PSD3: variants seen among roughly 807,000 people sequenced by gnomAD.
PSD3 encodes the protein pleckstrin and Sec7 domain containing 3, also known as PH and SEC7 domain-containing protein 3.
In PSD3, 49 loss-of-function variants were observed where a neutral mutation model predicts 105.5. The ratio of observed to expected loss-of-function variants is 0.46; its 90% CI spans 0.37 to 0.59. The LOEUF (loss-of-function observed/expected upper bound fraction) is 0.59. Ranked by LOEUF, PSD3 falls within the 20% of genes least tolerant of loss-of-function variation. The pLI, the probability that PSD3 is intolerant of heterozygous loss-of-function variation, is 0.00. For missense variants in PSD3, 1,561 were observed against 1,263.8 expected, an observed-to-expected ratio of 1.24 and a Z score of -3.57; for synonymous variants, 557 against 457.8, an observed-to-expected ratio of 1.22 and a Z score of -2.77.
At chr8:18,924,376 T>C (rs868372099) in intron 2 of PSD3, among the ~76,000 whole-genome samples, 8 of 152,082 alleles carry the variant, frequency 5.3e-5, no homozygotes, top group Middle Eastern at 3.2e-3. Flanking sequence ...CTGCTTTCCA[T>C]AATGGGTGGG....
intron 11 of PSD3, among the ~76,000 whole-genome samples, chr8:18,610,842 T>C (rs962852415): frequency 6.6e-6 from 1 of 152,266 alleles, no homozygotes; most frequent in Non-Finnish European, 1.5e-5. Context: ...GAAAGTATCA[T>C]AAACTGGGAG....
At chr8:18,985,764 G>T (rs1825469647) in intron 1 of PSD3, among the ~76,000 whole-genome samples, 1 of 151,970 alleles carries the variant, frequency 6.6e-6, no homozygotes, top group Non-Finnish European at 1.5e-5. Flanking sequence ...GTTGTAATGA[G>T]ATCTTTTCTT....
At position 18,867,896 on chromosome 8, in the gene PSD3, T is replaced by C. The variant is rs767356181; in HGVS notation, c.1412A>G (p.Tyr471Cys). Residue 471 changes from tyrosine to cysteine, a missense_variant, in exon 4 of 16, where the codon TAT becomes TGT. By Grantham distance (194) the Tyr-to-Cys change is radical (BLOSUM62 -2). Transcript: ENST00000327040. ...AGTGAGGGGCATTTCAAAGCTAAAA[T>C]AGCTATCAGGCTCTGAGTATAATGT... ...LETLYSEPDS[Y>C]FSFEMPLTPM... The C allele has an allele frequency of 1.9e-6, 3 of 1,614,142 alleles. No homozygotes were observed. Among genetic ancestry groups the C allele is most frequent in the Middle Eastern group, 1.7e-4 (1 of 6,060 alleles).
intron 11 of PSD3, among the ~76,000 whole-genome samples, chr8:18,609,435 T>C (rs1306398177): frequency 3.9e-5 from 6 of 152,206 alleles, no homozygotes; most frequent in Non-Finnish European, 8.8e-5. Flanking sequence ...TTTAATGAAC[T>C]TGAAAACAAA....
chr8:19,062,059 C>G (rs1421599241), intron 1 of PSD3, among the ~76,000 whole-genome samples: 3 of 152,178 alleles, frequency 2.0e-5, no homozygotes, highest in African/African-American at 7.2e-5. Context: ...TGAGGCCATT[C>G]TTCACTTTCT....
chr8:18,689,406 C>A (rs377596087), intron 9 of PSD3, among the ~76,000 whole-genome samples: 3 of 152,262 alleles, frequency 2.0e-5, no homozygotes, highest in East Asian at 1.9e-4. Context: ...GAAAATCTCA[C>A]AGAACCATTA....
chr8:18,864,933 T>C (rs1030489584), intron 4 of PSD3: 21 of 150,912 alleles, frequency 1.4e-4, no homozygotes, highest in Admixed American at 6.6e-5. Flanking sequence ...CCTGGTAAAT[T>C]TTCCTTCAAA....
At chr8:18,680,311 C>T (rs1247533465) in intron 9 of PSD3, among the ~76,000 whole-genome samples, 4 of 152,116 alleles carry the variant, frequency 2.6e-5, no homozygotes, top group Non-Finnish European at 5.9e-5. Flanking sequence ...CCCGAATACC[C>T]GGGGCTGATT....
In PSD3 at chr8:18,535,349, A is replaced by T. The variant is rs146886640; in HGVS notation, c.*394T>A. 6.4e-3 allele frequency: 1,210 copies of T among 188,096 alleles called. 10 individuals carry two copies. The highest frequency in any genetic ancestry group is 9.7e-3 in the Non-Finnish European group (862 of 88,456). The allele number at this position is 188,096 out of a possible 1,614,324, so 11.7% of individuals were successfully genotyped here. On this transcript the variant is annotated 3_prime_UTR_variant, in exon 16 of 16. Coordinates refer to ENST00000327040, the MANE Select transcript of PSD3 (RefSeq NM_015310.4). The stretch of plus-strand genomic sequence containing the variant: ...TCCAGCTAGAATTTACTAAAACTAC[A>T]GTTTGTCCAGTTAAGTGTTTCACAA...
intron 2 of PSD3, among the ~76,000 whole-genome samples, chr8:18,882,407 A>T (rs1193289719): frequency 6.6e-6 from 1 of 152,150 alleles, no homozygotes; most frequent in Non-Finnish European, 1.5e-5. Flanking sequence ...TACTCAGCCA[A>T]CATTTCTTGT....
At chr8:18,669,133 G>C (rs750524434) in intron 9 of PSD3, among the ~76,000 whole-genome samples, 34 of 152,244 alleles carry the variant, frequency 2.2e-4, no homozygotes, top group Middle Eastern at 3.4e-3. Flanking sequence ...CATTGTATTA[G>C]TCTATTGTAC....
Position 18,665,427 on chromosome 8 carries a change from T to C in PSD3, c.2173-9742A>G, listed in dbSNP as rs1335081682. ...CGTGGAGCCTAAAGATATGACTGCA[T>C]TGCTGCAATCTCATGGTAAAACATG... On this transcript the variant is annotated intron_variant, in intron 9 of 15. Transcript: ENST00000327040. Among the ~76,000 whole-genome samples the C allele has an allele frequency of 2.0e-5, 3 of 152,230 alleles. No individual in the cohort carries two copies. The East Asian group carries it at 5.8e-4, about 29-fold the overall frequency.
At chr8:18,832,642 TAA>T (rs1813770760) in intron 4 of PSD3, among the ~76,000 whole-genome samples, 1 of 152,194 alleles carries the variant, frequency 6.6e-6, no homozygotes, top group Non-Finnish European at 1.5e-5. Context: ...ACAGCGCTAA[TAA>T]AGACACACCC....
At chr8:19,082,546 G>C (rs1829675918) in intron 1 of PSD3, among the ~76,000 whole-genome samples, 2 of 152,120 alleles carry the variant, frequency 1.3e-5, no homozygotes, top group African/African-American at 4.8e-5. Context: ...CTTTAACTTA[G>C]ACCGAGCAGA....
chr8:19,007,042 G>A (rs1419117282), intron 1 of PSD3, among the ~76,000 whole-genome samples: 1 of 152,046 alleles, frequency 6.6e-6, no homozygotes, highest in East Asian at 1.9e-4. Context: ...ATCACCTGAG[G>A]TCAGGAGTTT....
Position 18,765,512 on chromosome 8 carries a change from C to G in PSD3, c.2109G>C (p.Gln703His). 6.2e-7 allele frequency: 1 copy of G among 1,611,808 alleles called. No homozygotes were observed. The highest frequency in any genetic ancestry group is 1.1e-5 in the South Asian group (1 of 91,012). ...CCCCTTGCAGATTTGCAATGAACTC[C>G]TGACAGGTCATCTTCTTTCCAATAT... ...GHNIGKKMTC[Q>H]EFIANLQGVN... Residue 703 changes from glutamine (Q) to histidine (H), a missense_variant, in exon 9 of 16, where the codon CAG becomes CAC. By Grantham distance (24) the Gln-to-His change is conservative. Transcript: ENST00000327040.
chr8:18,680,806 A>G lies in PSD3; in HGVS notation c.2173-25121T>C, dbSNP rs191254569. Among the ~76,000 whole-genome samples, 289 of 152,340 alleles carry G rather than the reference A, an allele frequency of 1.9e-3. 1 individual carries two copies. The highest frequency in any genetic ancestry group is 6.8e-3 in the Middle Eastern group (2 of 294). On this transcript the variant is annotated intron_variant, in intron 9 of 15. Coordinates refer to ENST00000327040, the MANE Select transcript of PSD3 (RefSeq NM_015310.4). The stretch of plus-strand genomic sequence containing the variant: ...TTCAGACGAGGTCAATATGAACCAT[A>G]AAGTACTGGAAAATTCAATTTTCTT...
intron 11 of PSD3, among the ~76,000 whole-genome samples, chr8:18,604,795 T>G (rs898016034): frequency 6.6e-6 from 1 of 152,194 alleles, no homozygotes; most frequent in South Asian, 2.1e-4. Context: ...GGTTCAGCCA[T>G]GGCTCAAAGG....
chr8:18,935,103 T>A (rs952592107), intron 2 of PSD3, among the ~76,000 whole-genome samples: 6 of 152,166 alleles, frequency 3.9e-5, no homozygotes, highest in African/African-American at 1.4e-4. Flanking sequence ...AAGGTGATTG[T>A]GATGATTAGC....
Sources: allele counts gnomAD v4.1 joint callset (sites outside exome capture counted in the v4.1 genomes callset), GRCh38; gene constraint gnomAD v4.1.1; transcripts MANE v1.5; gene names NCBI Gene and HGNC (gene_info 2026-07-23, HGNC 2026-07-21).